The following COL14A1 variants were observed in gnomAD, a reference collection of about 807,000 sequenced individuals.
COL14A1 encodes the protein collagen alpha-1(XIV) chain.
In COL14A1, 136 loss-of-function variants were observed where a neutral mutation model predicts 230.3. The ratio of observed to expected loss-of-function variants is 0.59; its 90% CI spans 0.51 to 0.68. COL14A1 has a LOEUF of 0.68. Among genes scored for constraint, COL14A1 ranks in the 30% least tolerant of loss-of-function variants. The probability of loss-of-function intolerance (pLI) is 0.00; values close to 1 mark genes in which losing one functional copy is unlikely to be tolerated. For synonymous variants in COL14A1, 792 were observed against 784.1 expected, an observed-to-expected ratio of 1.01 and a Z score of -0.17; for missense variants, 1,976 against 2,215.8, an observed-to-expected ratio of 0.89 and a Z score of 2.17.
intron 45 of COL14A1, among the ~76,000 whole-genome samples, chr8:120,350,121 A>C (rs1378627214): frequency 6.6e-6 from 1 of 152,068 alleles, no homozygotes; most frequent in East Asian, 1.9e-4. Flanking sequence ...CCAGAATTTC[A>C]TATCCAGCCA....
chr8:120,207,887 T>A (rs1817492013), intron 10 of COL14A1, among the ~76,000 whole-genome samples: 1 of 152,160 alleles, frequency 6.6e-6, no homozygotes, highest in African/African-American at 2.4e-5. Context: ...TTCTTTTATT[T>A]TTCATGACTA....
intron 2 of COL14A1, among the ~76,000 whole-genome samples, chr8:120,155,057 G>A (rs938048208): frequency 3.9e-5 from 6 of 151,952 alleles, no homozygotes; most frequent in African/African-American, 1.5e-4. Flanking sequence ...TTACCCTAAA[G>A]GCAAAAACCT....
Position 120,162,451 on chromosome 8 carries a change from G to A in COL14A1, c.231G>A (p.Leu77=). The change falls in exon 4 of 48, where the codon CTG becomes CTA. Residue 77 remains leucine, a synonymous_variant. Transcript: ENST00000297848. ...GTGGAAAAACTAACCAGCTGAATCT[G>A]CAGAACACTGCAACTAAAGCAATTA... ...TSGGKTNQLN[L]QNTATKAIIQ... 2 of 1,608,444 alleles carry A rather than the reference G, an allele frequency of 1.2e-6. No individual in the cohort carries two copies. Among genetic ancestry groups the A allele is most frequent in the Non-Finnish European group, 8.5e-7 (1 of 1,177,724 alleles).
chr8:120,271,877 C>A (rs529197230), intron 26 of COL14A1, among the ~76,000 whole-genome samples: 1 of 151,342 alleles, frequency 6.6e-6, no homozygotes, highest in Non-Finnish European at 1.5e-5. Context: ...AAAAAGATTA[C>A]CCCAACTGCT....
intron 8 of COL14A1, among the ~76,000 whole-genome samples, chr8:120,203,350 G>C (rs1297467992): frequency 3.0e-5 from 3 of 98,866 alleles, no homozygotes; most frequent in African/African-American, 1.8e-4. Context: ...TCTCAGATGG[G>C]GGTGGGGGGG....
At chr8:120,286,100 C>T in intron 33 of COL14A1, 130 bp downstream of exon 33, 1 of 632,402 alleles carries the variant, frequency 1.6e-6, no homozygotes, top group Non-Finnish European at 2.8e-6. Flanking sequence ...TGCTTGTTAA[C>T]AATACCTGTG....
chr8:120,134,179 T>C (rs1218560468), intron 1 of COL14A1, among the ~76,000 whole-genome samples: 1 of 152,060 alleles, frequency 6.6e-6, no homozygotes, highest in Non-Finnish European at 1.5e-5. Context: ...TCTACCTAAA[T>C]TGGTCTACTA....
intron 34 of COL14A1, among the ~76,000 whole-genome samples, chr8:120,292,889 C>T (rs569026547): frequency 3.9e-5 from 6 of 152,108 alleles, no homozygotes; most frequent in African/African-American, 1.4e-4. Context: ...ACAGTAACTA[C>T]TCGATAGAAA....
intron 44 of COL14A1, among the ~76,000 whole-genome samples, chr8:120,343,233 A>C (rs1822374411): frequency 6.6e-6 from 1 of 152,126 alleles, no homozygotes; most frequent in African/African-American, 2.4e-5. Context: ...TAATTTGTTC[A>C]GTTCCAGGAA....
intron 32 of COL14A1, 91 bp from the exon 33 acceptor site, chr8:120,285,770 C>A (rs528250345): frequency 5.2e-6 from 4 of 772,180 alleles, no homozygotes; most frequent in South Asian, 3.7e-5. Flanking sequence ...TCAAAACAAT[C>A]GATGCATTGT....
chr8:120,231,750 C>A, intron 19 of COL14A1, 132 bp downstream of exon 19: 2 of 939,820 alleles, frequency 2.1e-6, no homozygotes, highest in Non-Finnish European at 3.1e-6. Context: ...AACTAATGTT[C>A]TCTGTTAATC....
At chr8:120,290,253 A>C (rs1338718241) in intron 34 of COL14A1, among the ~76,000 whole-genome samples, 2 of 152,158 alleles carry the variant, frequency 1.3e-5, no homozygotes. Context: ...TGCTATCACT[A>C]ATGTAAAGTT....
At chr8:120,195,491 T>A (rs1353922141) in intron 5 of COL14A1, among the ~76,000 whole-genome samples, 2 of 152,112 alleles carry the variant, frequency 1.3e-5, no homozygotes, top group Non-Finnish European at 2.9e-5. Context: ...AATGTTGCGA[T>A]CGGTACTAAA....
chr8:120,307,219 G>A (rs1190053731), intron 36 of COL14A1, among the ~76,000 whole-genome samples: 1 of 152,132 alleles, frequency 6.6e-6, no homozygotes, highest in Non-Finnish European at 1.5e-5. Flanking sequence ...CTTTATCTAG[G>A]GATGAAAGGG....
intron 40 of COL14A1, among the ~76,000 whole-genome samples, chr8:120,319,532 C>A (rs935166772): frequency 2.0e-5 from 3 of 152,128 alleles, no homozygotes; most frequent in Non-Finnish European, 4.4e-5. Flanking sequence ...CAGGTGCCAT[C>A]ACCTTGACTG....
chr8:120,191,363 G>A (rs1816817927), intron 5 of COL14A1, among the ~76,000 whole-genome samples: 1 of 152,228 alleles, frequency 6.6e-6, no homozygotes, highest in African/African-American at 2.4e-5. Context: ...TTTTGAGTGA[G>A]TTTCTTAATC....
At chr8:120,293,845 T>C (rs532832045) in intron 34 of COL14A1, among the ~76,000 whole-genome samples, 3 of 151,902 alleles carry the variant, frequency 2.0e-5, no homozygotes, top group African/African-American at 7.2e-5. Context: ...AAAATTCTAA[T>C]TAATACCAAC....
intron 2 of COL14A1, among the ~76,000 whole-genome samples, chr8:120,149,523 A>C (rs1390464737): frequency 6.6e-6 from 1 of 152,138 alleles, no homozygotes; most frequent in Non-Finnish European, 1.5e-5. Flanking sequence ...GATTCTTAGA[A>C]ACAAAGGGCG....
chr8:120,199,460 TG>T lies in COL14A1; in HGVS notation c.773del (p.Gly258GlufsTer8). 6.2e-7 allele frequency: 1 copy of T among 1,612,658 alleles called. No homozygotes were observed. The highest frequency in any genetic ancestry group is 8.5e-7 in the Non-Finnish European group (1 of 1,179,442). On this transcript the variant is annotated frameshift_variant, in exon 8 of 48. Coordinates refer to ENST00000297848, the MANE Select transcript of COL14A1 (RefSeq NM_021110.4). LOFTEE classifies it high-confidence loss of function. ...SFKPEAGSRT[G>X]VSKIGILITD... ...TCAAACCAGAAGCAGGATCAAGGAC[TG>T]GAGTATCCAAAATTGGCATTTTAAT... is the stretch of plus-strand genomic sequence containing the variant.
Sources: allele counts gnomAD v4.1 joint callset (sites outside exome capture counted in the v4.1 genomes callset), GRCh38; gene constraint gnomAD v4.1.1; transcripts MANE v1.5; gene names NCBI Gene and HGNC (gene_info 2026-07-23, HGNC 2026-07-21).